Variants in FMNL2 observed in about 807,000 individuals in gnomAD.
The protein encoded by FMNL2 is formin like 2.
FMNL2 carries 51 observed loss-of-function variants against 130.2 expected under a neutral mutation model. The observed-to-expected ratio is 0.39, with a 90% confidence interval of 0.31 to 0.49. FMNL2 has a LOEUF of 0.49. FMNL2 is among the 20% of genes least tolerant of loss of function. The pLI is 0.85. For missense variants in FMNL2, 977 were observed against 1,316.2 expected, an observed-to-expected ratio of 0.74 and a Z score of 3.99; for synonymous variants, 465 against 467.1, an observed-to-expected ratio of 1.00 and a Z score of 0.06.
chr2:152,401,270 C>G (rs1034861431), intron 1 of FMNL2, among the ~76,000 whole-genome samples: 1 of 152,194 alleles, frequency 6.6e-6, no homozygotes, highest in African/African-American at 2.4e-5. Context: ...TTAGGAGAAG[C>G]TATTAATTTA....
At chr2:152,611,736 A>G in intron 11 of FMNL2, 131 bp downstream of exon 11, 1 of 599,930 alleles carries the variant, frequency 1.7e-6, no homozygotes, top group Non-Finnish European at 3.0e-6. Flanking sequence ...GTGCTAGTTA[A>G]AGGGAACTGA....
intron 1 of FMNL2, among the ~76,000 whole-genome samples, chr2:152,428,611 C>T (rs1284426931): frequency 6.6e-6 from 1 of 152,064 alleles, no homozygotes; most frequent in African/African-American, 2.4e-5. Context: ...TTTTAAAAAC[C>T]TTCCTGAAAT....
At chr2:152,363,686 C>A (rs1683322998) in intron 1 of FMNL2, among the ~76,000 whole-genome samples, 1 of 152,114 alleles carries the variant, frequency 6.6e-6, no homozygotes, top group Non-Finnish European at 1.5e-5. Context: ...CCCAGCCTCC[C>A]AGGTAGCTGG....
chr2:152,605,511 G>A (rs1296707665), intron 9 of FMNL2, among the ~76,000 whole-genome samples: 4 of 152,082 alleles, frequency 2.6e-5, no homozygotes, highest in Non-Finnish European at 2.9e-5. Flanking sequence ...TTTCAGTACA[G>A]ACATGGTTTC....
intron 15 of FMNL2, among the ~76,000 whole-genome samples, chr2:152,621,906 G>A (rs1681347266): frequency 6.6e-6 from 1 of 152,106 alleles, no homozygotes. Flanking sequence ...ACATCACTTG[G>A]CCTCTGGACC....
At chr2:152,563,410 C>CT (rs1458447595) in intron 6 of FMNL2, among the ~76,000 whole-genome samples, 1 of 152,134 alleles carries the variant, frequency 6.6e-6, no homozygotes, top group Non-Finnish European at 1.5e-5. Context: ...TTTCATGCCA[C>CT]TTAAGGACCT....
chr2:152,339,194 A>ATTT (rs11440524), intron 1 of FMNL2, among the ~76,000 whole-genome samples: 1 of 151,348 alleles, frequency 6.6e-6, no homozygotes, highest in Non-Finnish European at 1.5e-5. Context: ...TTATTTCATG[A>ATTT]TTTTTTTTTA....
chr2:152,614,795 AT>A, intron 11 of FMNL2, 55 bp from the exon 12 acceptor site: 1 of 1,502,134 alleles, frequency 6.7e-7, no homozygotes, highest in South Asian at 1.3e-5. Flanking sequence ...TTAGGAAATG[AT>A]GTTCTATTTC....
intron 2 of FMNL2, among the ~76,000 whole-genome samples, chr2:152,541,862 G>A (rs574460390): frequency 5.3e-5 from 8 of 152,062 alleles, no homozygotes; most frequent in African/African-American, 7.2e-5. Flanking sequence ...TTGTATGAAC[G>A]TAAATATAAG....
intron 4 of FMNL2, among the ~76,000 whole-genome samples, chr2:152,554,053 T>A (rs1401615300): frequency 6.6e-6 from 1 of 152,204 alleles, no homozygotes; most frequent in African/African-American, 2.4e-5. Flanking sequence ...AGTAACTAAT[T>A]CTTACAGATA....
At chr2:152,616,327 GTTTT>G (rs36107333) in intron 12 of FMNL2, among the ~76,000 whole-genome samples, 4 of 110,056 alleles carry the variant, frequency 3.6e-5, no homozygotes, top group Non-Finnish European at 7.0e-5. Context: ...ATTTTTGTGG[GTTTT>G]TTTTTTTTTT....
intron 1 of FMNL2, among the ~76,000 whole-genome samples, chr2:152,519,339 C>T (rs994049666): frequency 6.6e-6 from 1 of 152,164 alleles, no homozygotes; most frequent in African/African-American, 2.4e-5. Context: ...CACCGTGCCA[C>T]CCAGCATGTT....
At chr2:152,626,352 G>A (rs192822302) in intron 16 of FMNL2, among the ~76,000 whole-genome samples, 173 bp from the exon 17 acceptor site, 6 of 152,296 alleles carry the variant, frequency 3.9e-5, no homozygotes, top group Admixed American at 2.6e-4. Context: ...TCACTTTTGT[G>A]TATGTGCCAG....
chr2:152,590,016 C>CACAT (rs1217832098), intron 9 of FMNL2, among the ~76,000 whole-genome samples: 17 of 52,416 alleles, frequency 3.2e-4, no homozygotes, highest in African/African-American at 1.0e-3. Flanking sequence ...TATACATATA[C>CACAT]ATATATATAT....
At chr2:152,451,297 T>G (rs1258226125) in intron 1 of FMNL2, among the ~76,000 whole-genome samples, 3 of 152,012 alleles carry the variant, frequency 2.0e-5, no homozygotes, top group Non-Finnish European at 4.4e-5. Context: ...TACAGGTGTG[T>G]GCCACTATGC....
Position 152,625,418 on chromosome 2 carries a change from A to G in FMNL2, c.1838-20A>G, listed in dbSNP as rs529333358. 1.9e-5 allele frequency: 31 copies of G among 1,595,770 alleles called. No individual in the cohort carries two copies. The East Asian group carries it at 5.8e-4, about 30-fold the overall frequency. On this transcript the variant is annotated intron_variant, in intron 15 of 25. Transcript: ENST00000288670. ...AGGCTTTTGGTGGGATCTTAATTCC[A>G]TTCTCTTTGATGTCTTTAGCTGTGA...
chr2:152,477,646 C>T (rs1690226064), intron 1 of FMNL2, among the ~76,000 whole-genome samples: 1 of 151,934 alleles, frequency 6.6e-6, no homozygotes, highest in Non-Finnish European at 1.5e-5. Context: ...CAGGTCCTAG[C>T]CAATACAAAT....
chr2:152,467,187 T>C (rs183640871), intron 1 of FMNL2, among the ~76,000 whole-genome samples: 86 of 152,312 alleles, frequency 5.6e-4, no homozygotes, highest in South Asian at 2.3e-3. Flanking sequence ...CTCTTTTTTT[T>C]CTGACAAGAG....
intron 1 of FMNL2, among the ~76,000 whole-genome samples, chr2:152,520,074 A>T (rs1692998846): frequency 1.3e-5 from 2 of 152,074 alleles, no homozygotes; most frequent in African/African-American, 4.8e-5. Flanking sequence ...GCCTTATCCC[A>T]GGAGTTTTTT....
Sources: allele counts gnomAD v4.1 joint callset (sites outside exome capture counted in the v4.1 genomes callset), GRCh38; gene constraint gnomAD v4.1.1; transcripts MANE v1.5; gene names NCBI Gene and HGNC (gene_info 2026-07-23, HGNC 2026-07-21).